Variants in PARD3 observed in about 807,000 individuals in gnomAD.
PARD3 encodes partitioning defective 3 homolog.
PARD3 carries 75 observed loss-of-function variants against 155.4 expected under a neutral mutation model. That is an observed-to-expected ratio of 0.48 (90% CI 0.40 to 0.58). PARD3 has a LOEUF of 0.58. Among genes scored for constraint, PARD3 ranks in the 20% least tolerant of loss-of-function variants. PARD3 has a pLI of 0.00. For synonymous variants in PARD3, 576 were observed against 610.5 expected (o/e 0.94, Z 0.83); for missense variants, 1,642 against 1,721.7 (o/e 0.95, Z 0.82).
rs908488131 is a variant in PARD3 at position 34,607,049 on chromosome 10, A to AT, written c.222+89268dup. 7.9e-5 allele frequency among the ~76,000 whole-genome samples: 12 copies of AT among 152,056 alleles called. 1 individual carries two copies. The highest frequency in any genetic ancestry group is 2.9e-4 in the African/African-American group (12 of 41,492). On this transcript the variant is annotated intron_variant, in intron 2 of 24. Coordinates refer to ENST00000374788, the MANE Select transcript of PARD3 (RefSeq NM_001184785.2). ...GCTGTCCAGATTTGTAGATAGATGC[A>AT]TAAGATGAGAGGCCACGTTGAGAAA...
At chr10:34,360,593 C>A (rs1343723966) in intron 12 of PARD3, among the ~76,000 whole-genome samples, 3 of 151,922 alleles carry the variant, frequency 2.0e-5, no homozygotes, top group African/African-American at 7.3e-5. Flanking sequence ...TTCTAAACGA[C>A]AAGAAAAACA....
chr10:34,772,595 C>A (rs1839021371), intron 1 of PARD3, among the ~76,000 whole-genome samples: 1 of 151,734 alleles, frequency 6.6e-6, no homozygotes, highest in Admixed American at 6.6e-5. Context: ...AGTTCGAGAC[C>A]AGCCTGGCCA....
intron 2 of PARD3, among the ~76,000 whole-genome samples, chr10:34,566,064 T>C (rs1380368671): frequency 6.6e-6 from 1 of 152,202 alleles, no homozygotes; most frequent in East Asian, 1.9e-4. Context: ...TCTTACTACA[T>C]GAGGTCTGGA....
chr10:34,554,571 C>T (rs2084843215), intron 2 of PARD3, among the ~76,000 whole-genome samples: 1 of 152,126 alleles, frequency 6.6e-6, no homozygotes, highest in Admixed American at 6.5e-5. Context: ...ATATAGATTT[C>T]TCATAACTCA....
intron 5 of PARD3, among the ~76,000 whole-genome samples, chr10:34,445,319 T>A (rs2076682333): frequency 6.6e-6 from 1 of 152,140 alleles, no homozygotes; most frequent in African/African-American, 2.4e-5. Context: ...TCTGAAAAAA[T>A]TTGAGAGGGA....
intron 3 of PARD3, among the ~76,000 whole-genome samples, chr10:34,496,741 A>G (rs1168594837): frequency 6.6e-6 from 1 of 152,216 alleles, no homozygotes; most frequent in Non-Finnish European, 1.5e-5. Context: ...CCGAAGAGAT[A>G]TATCAATCAA....
chr10:34,296,472 C>A (rs1956915812), intron 20 of PARD3, among the ~76,000 whole-genome samples: 1 of 152,154 alleles, frequency 6.6e-6, no homozygotes, highest in South Asian at 2.1e-4. Context: ...CTCAAGCAAT[C>A]CCTGTCTCGG....
intron 2 of PARD3, among the ~76,000 whole-genome samples, chr10:34,681,768 A>ATTTTTT (rs56661701): frequency 5.7e-5 from 1 of 17,404 alleles, no homozygotes; most frequent in Non-Finnish European, 9.3e-5. Flanking sequence ...ATATATATAT[A>ATTTTTT]TTTTTTTTTT....
At chr10:34,801,482 C>T (rs1415895001) in intron 1 of PARD3, among the ~76,000 whole-genome samples, 1 of 152,162 alleles carries the variant, frequency 6.6e-6, no homozygotes, top group Non-Finnish European at 1.5e-5. Context: ...CTCTTGAATA[C>T]AAAGCCAGGG....
intron 2 of PARD3, among the ~76,000 whole-genome samples, chr10:34,634,947 G>A (rs1487157935): frequency 6.6e-6 from 1 of 152,310 alleles, no homozygotes. Context: ...GGAGTCCAGG[G>A]CACAGTGGTG....
Position 34,193,898 on chromosome 10 carries a change from A to T in PARD3, c.3420-62315T>A, listed in dbSNP as rs1003436596. On this transcript the variant is annotated intron_variant, in intron 22 of 24. Coordinates refer to ENST00000374788, the MANE Select transcript of PARD3 (RefSeq NM_001184785.2). ...GCCCTGAATTTTCTACTAACATCAC[A>T]AACTACGGGGTGCTCCTCCTCCTGT... 4.6e-5 allele frequency among the ~76,000 whole-genome samples: 7 copies of T among 152,302 alleles called. No individual in the cohort carries two copies. The South Asian group carries it at 1.0e-3, about 23-fold the overall frequency.
intron 16 of PARD3, 71 bp from the exon 17 acceptor site, chr10:34,337,497 T>C (rs1836316289): frequency 5.6e-6 from 5 of 891,506 alleles, no homozygotes; most frequent in Non-Finnish European, 8.0e-6. Flanking sequence ...GGGAGGTTCA[T>C]ACATACCTGC....
intron 3 of PARD3, among the ~76,000 whole-genome samples, chr10:34,485,181 T>C (rs573161492): frequency 7.2e-5 from 11 of 152,140 alleles, no homozygotes; most frequent in Admixed American, 6.5e-5. Context: ...CTACTAGAAA[T>C]ACAAAAATTA....
chr10:34,728,551 T>G (rs77468038), intron 1 of PARD3, among the ~76,000 whole-genome samples: 2,141 of 152,320 alleles, frequency 0.014, 47 homozygotes, highest in African/African-American at 0.049. Context: ...CTCTCCACTT[T>G]AAACTGACAC....
At chr10:34,456,449 A>G (rs2077345944) in intron 4 of PARD3, among the ~76,000 whole-genome samples, 1 of 151,956 alleles carries the variant, frequency 6.6e-6, no homozygotes, top group African/African-American at 2.4e-5. Flanking sequence ...GGCACCCACC[A>G]TCATGCCTGG....
intron 16 of PARD3, among the ~76,000 whole-genome samples, chr10:34,339,868 A>T (rs1192808490): frequency 2.6e-5 from 4 of 152,228 alleles, no homozygotes; most frequent in Non-Finnish European, 5.9e-5. Context: ...TGGAATATTT[A>T]ACAAGTTAGA....
In PARD3 at chr10:34,389,942, T is replaced by C. The variant is rs537476671; in HGVS notation, c.891-5688A>G. On this transcript the variant is annotated intron_variant, in intron 7 of 24. Transcript: ENST00000374788. Reference sequence around the variant, plus strand: ...AAATCACAGATGTCATATTGCTATATATAAAGAGACATGATTCATGTAAGT... The same window carrying C: ...AAATCACAGATGTCATATTGCTATACATAAAGAGACATGATTCATGTAAGT... 1.3e-3 allele frequency among the ~76,000 whole-genome samples: 201 copies of C among 152,312 alleles called. 2 individuals carry two copies. The highest frequency in any genetic ancestry group is 4.5e-3 in the African/African-American group (189 of 41,564).
At chr10:34,261,825 G>GAAAGAAAGAAAGAAAGAA (rs1238097146) in intron 22 of PARD3, among the ~76,000 whole-genome samples, 1 of 138,888 alleles carries the variant, frequency 7.2e-6, no homozygotes, top group Non-Finnish European at 1.6e-5. Context: ...AAGAAAGAAA[G>GAAAGAAAGAAAGAAAGAA]AAACAAACAA....
intron 1 of PARD3, among the ~76,000 whole-genome samples, chr10:34,719,484 GT>G (rs1263500473): frequency 6.6e-6 from 1 of 152,162 alleles, no homozygotes; most frequent in Non-Finnish European, 1.5e-5. Context: ...AACACTTCCT[GT>G]TTATCAAAAG....
Sources: allele counts gnomAD v4.1 joint callset (sites outside exome capture counted in the v4.1 genomes callset), GRCh38; gene constraint gnomAD v4.1.1; transcripts MANE v1.5; gene names NCBI Gene and HGNC (gene_info 2026-07-23, HGNC 2026-07-21).